The following KCND3 variants were observed in gnomAD, a reference collection of about 807,000 sequenced individuals.
The protein encoded by KCND3 is potassium voltage-gated channel subfamily D member 3.
Under a neutral mutation model 51.1 loss-of-function variants are expected in KCND3, and 9 were observed. The observed-to-expected ratio is 0.18, with a 90% CI of 0.11 to 0.31. The LOEUF (loss-of-function observed/expected upper bound fraction) is 0.31. Among genes scored for constraint, KCND3 ranks in the 10% least tolerant of loss-of-function variants. The pLI is 1.00. For synonymous variants in KCND3, 349 were observed against 368.0 expected, an observed-to-expected ratio of 0.95 and a Z score of 0.59; for missense variants, 526 against 903.8, an observed-to-expected ratio of 0.58 and a Z score of 5.36.
chr1:111,950,246 T>C (rs1672994430), intron 2 of KCND3, among the ~76,000 whole-genome samples: 1 of 152,220 alleles, frequency 6.6e-6, no homozygotes, highest in Non-Finnish European at 1.5e-5. Context: ...ATGAGTGTGA[T>C]GCATTCTGTG....
chr1:111,987,303 A>T (rs1675335104), intron 1 of KCND3, among the ~76,000 whole-genome samples: 1 of 152,150 alleles, frequency 6.6e-6, no homozygotes, highest in South Asian at 2.1e-4. Context: ...GCTCAGGGGA[A>T]GGAAAAATTA....
Position 111,981,937 on chromosome 1 carries a change from C to T in KCND3, c.790G>A (p.Val264Met), listed in dbSNP as rs750099417. 6.2e-7 allele frequency: 1 copy of T among 1,614,124 alleles called. No homozygotes were observed. The highest frequency in any genetic ancestry group is 8.5e-7 in the Non-Finnish European group (1 of 1,180,022). ...ATGTAGTAGGGCATGATGGCCACCA[C>T]GTCGATGATGCTCATGACGCTGCGG... ...FIRSVMSIID[V>M]VAIMPYYIGL... The change falls in exon 2 of 8, where the codon GTG becomes ATG. Residue 264 changes from valine (V) to methionine (M), a missense_variant. This residue lies in a region of KCND3 where 48 missense variants were observed against 228.5 expected (regional missense o/e 0.21). Coordinates refer to ENST00000302127, the MANE Select transcript of KCND3 (RefSeq NM_001378969.1). The surrounding 1 kb of genome is among the most constrained non-coding windows in gnomAD (Gnocchi z 6.2).
intron 2 of KCND3, among the ~76,000 whole-genome samples, chr1:111,833,456 A>G (rs547543872): frequency 1.6e-4 from 24 of 152,384 alleles, no homozygotes; most frequent in African/African-American, 5.3e-4. Flanking sequence ...CCCAGAAAGA[A>G]AGGTAACTTG....
chr1:111,973,081 C>A (rs1200456878), intron 2 of KCND3, among the ~76,000 whole-genome samples: 1 of 152,202 alleles, frequency 6.6e-6, no homozygotes, highest in Admixed American at 6.5e-5. Flanking sequence ...TTATTTCCAT[C>A]AGTCTTTGAC....
intron 2 of KCND3, among the ~76,000 whole-genome samples, chr1:111,919,913 G>A (rs1291599924): frequency 6.6e-6 from 1 of 152,204 alleles, no homozygotes; most frequent in Non-Finnish European, 1.5e-5. Context: ...TGCCCTTGAA[G>A]GGGCCAGCCT....
At chr1:111,798,951 A>T (rs1665173750) in intron 2 of KCND3, among the ~76,000 whole-genome samples, 1 of 152,126 alleles carries the variant, frequency 6.6e-6, no homozygotes, top group Admixed American at 6.6e-5. Context: ...AGTCAGCAGT[A>T]AGCAGAGGGA....
At chr1:111,784,053 A>T (rs1664501568) in intron 3 of KCND3, among the ~76,000 whole-genome samples, 1 of 151,044 alleles carries the variant, frequency 6.6e-6, no homozygotes, top group Admixed American at 6.6e-5. Context: ...GATCCTTGTG[A>T]TGTTGAAACT....
chr1:111,930,680 T>A (rs1274434700), intron 2 of KCND3, among the ~76,000 whole-genome samples: 1 of 149,962 alleles, frequency 6.7e-6, no homozygotes, highest in African/African-American at 2.4e-5. Flanking sequence ...AAAAAAGGCA[T>A]CTTGGCTTAA....
chr1:111,803,163 C>T (rs1571662002), intron 2 of KCND3, among the ~76,000 whole-genome samples: 1 of 151,942 alleles, frequency 6.6e-6, no homozygotes, highest in South Asian at 2.1e-4. Flanking sequence ...CCTCTAGTTC[C>T]AGGTGAGATG....
At chr1:111,792,557 G>T (rs1196365219) in intron 2 of KCND3, among the ~76,000 whole-genome samples, 4 of 152,192 alleles carry the variant, frequency 2.6e-5, no homozygotes, top group Non-Finnish European at 4.4e-5. Flanking sequence ...CAGCACAGTG[G>T]TTAAAAGCGT....
chr1:111,807,324 A>G (rs1311814055), intron 2 of KCND3, among the ~76,000 whole-genome samples: 5 of 152,230 alleles, frequency 3.3e-5, no homozygotes, highest in Non-Finnish European at 2.9e-5. Context: ...CTATGTTTAG[A>G]TAGGTTGAGA....
At chr1:111,872,345 C>T (rs11102349) in intron 2 of KCND3, among the ~76,000 whole-genome samples, 69,313 of 152,018 alleles carry the variant, frequency 0.46, 16,440 homozygotes, top group Middle Eastern at 0.53. Context: ...TAGGAATGCA[C>T]ATTATTAGTA....
intron 2 of KCND3, among the ~76,000 whole-genome samples, chr1:111,793,971 G>A (rs1664951127): frequency 6.6e-6 from 1 of 152,216 alleles, no homozygotes; most frequent in African/African-American, 2.4e-5. Flanking sequence ...TCCTGGAGGT[G>A]ACATCCCAGG....
intron 2 of KCND3, among the ~76,000 whole-genome samples, chr1:111,930,342 C>T (rs1671906844): frequency 6.6e-6 from 1 of 152,236 alleles, no homozygotes; most frequent in African/African-American, 2.4e-5. Context: ...CACCCAAAGG[C>T]AGAGGGCCTT....
intron 2 of KCND3, among the ~76,000 whole-genome samples, chr1:111,842,546 G>T (rs1667373464): frequency 6.6e-6 from 1 of 152,204 alleles, no homozygotes; most frequent in Non-Finnish European, 1.5e-5. Context: ...CTGAGGCTGG[G>T]ATGACTAGTG....
At chr1:111,854,813 A>G (rs115946588) in intron 2 of KCND3, among the ~76,000 whole-genome samples, 2,120 of 152,256 alleles carry the variant, frequency 0.014, 57 homozygotes, top group African/African-American at 0.048. Flanking sequence ...GTGTTTCCCC[A>G]CTGGTTAGCT....
At chr1:111,870,065 A>C (rs1668762658) in intron 2 of KCND3, among the ~76,000 whole-genome samples, 1 of 152,218 alleles carries the variant, frequency 6.6e-6, no homozygotes, top group African/African-American at 2.4e-5. Context: ...ATAATAGGTA[A>C]AATTTATCAA....
chr1:111,864,322 C>T (rs1571760823), intron 2 of KCND3, among the ~76,000 whole-genome samples: 1 of 152,282 alleles, frequency 6.6e-6, no homozygotes, highest in Middle Eastern at 3.4e-3. Context: ...GGTGGGGCAG[C>T]CTCAACATTC....
Position 111,776,029 on chromosome 1 carries a change from A to G in KCND3, c.*48T>C. On this transcript the variant is annotated 3_prime_UTR_variant, in exon 8 of 8. Transcript: ENST00000302127. ...CTCAGTGACCACCCACCAACATGCCAGTCCCCTTCATTCCCCACTACCCAC... is the reference window on the plus strand; with the variant it reads ...CTCAGTGACCACCCACCAACATGCCGGTCCCCTTCATTCCCCACTACCCAC... The G allele has an allele frequency of 6.3e-7, 1 of 1,599,000 alleles. No homozygotes were observed. The highest frequency in any genetic ancestry group is 8.6e-7 in the Non-Finnish European group (1 of 1,166,334).
Sources: gnomAD v4.1 joint callset for allele counts (sites outside exome capture counted in the v4.1 genomes callset) on GRCh38, gnomAD v4.1.1 for gene constraint, gnomAD v4.1.1 regional missense constraint, Gnocchi (gnomAD v3.1) non-coding constraint, MANE v1.5 for transcripts, NCBI Gene and HGNC (gene_info 2026-07-23, HGNC 2026-07-21) for gene names.